Variants in DACH1 observed in about 807,000 individuals in gnomAD.
DACH1 encodes the protein dachshund homolog 1.
Under a neutral mutation model 54.2 loss-of-function variants are expected in DACH1, and 12 were observed. The ratio of observed to expected loss-of-function variants is 0.22; its 90% CI spans 0.14 to 0.36. The LOEUF (loss-of-function observed/expected upper bound fraction) is 0.36, where lower values mean the gene tolerates loss of function less well. Ranked by LOEUF, DACH1 falls within the 10% of genes least tolerant of loss-of-function variation. The pLI is 1.00. For missense variants in DACH1, 805 were observed against 929.8 expected (o/e 0.87, Z 1.75); for synonymous variants, 386 against 366.2 (o/e 1.05, Z -0.62).
At chr13:71,471,240 A>T (rs990332173) in intron 10 of DACH1, among the ~76,000 whole-genome samples, 1 of 152,048 alleles carries the variant, frequency 6.6e-6, no homozygotes, top group Non-Finnish European at 1.5e-5. Flanking sequence ...CCCTCATTAC[A>T]TATTAACGAC....
At chr13:71,580,508 A>C (rs1225372430) in intron 3 of DACH1, among the ~76,000 whole-genome samples, 1 of 152,186 alleles carries the variant, frequency 6.6e-6, no homozygotes, top group Admixed American at 6.5e-5. Context: ...GCAAGGTGAA[A>C]TAAGTTTTAA....
intron 1 of DACH1, among the ~76,000 whole-genome samples, chr13:71,747,087 T>C (rs999951383): frequency 1.3e-5 from 2 of 152,124 alleles, no homozygotes; most frequent in African/African-American, 4.8e-5. Flanking sequence ...AATATTGTGT[T>C]TGTATATACA....
In DACH1 at chr13:71,599,794, T is replaced by C. The variant is rs569505749; in HGVS notation, c.1127-26782A>G. Among the ~76,000 whole-genome samples the C allele has an allele frequency of 1.0e-4, 15 of 150,658 alleles. No individual in the cohort carries two copies. In the East Asian group the frequency reaches 2.5e-3, roughly 26 times the overall value. On this transcript the variant is annotated intron_variant, in intron 3 of 10. Transcript: ENST00000613252. ...CATGTATATAAAAAGACTTTCCTTT[T>C]TGTATTACCTCTTCATACACACAAA... is the stretch of plus-strand genomic sequence containing the variant.
intron 1 of DACH1, among the ~76,000 whole-genome samples, chr13:71,809,787 A>C (rs984922271): frequency 6.6e-6 from 1 of 152,202 alleles, no homozygotes; most frequent in Non-Finnish European, 1.5e-5. Flanking sequence ...GATGCAATGG[A>C]TGGAGTAATA....
chr13:71,691,525 C>G (rs1422417306), intron 1 of DACH1, among the ~76,000 whole-genome samples: 2 of 151,414 alleles, frequency 1.3e-5, no homozygotes, highest in East Asian at 3.9e-4. Context: ...GGTTGTGAAC[C>G]ATGGCAATCT....
chr13:71,443,808 A>G (rs1874214586), intron 10 of DACH1, among the ~76,000 whole-genome samples: 2 of 152,190 alleles, frequency 1.3e-5, no homozygotes, highest in Admixed American at 1.3e-4. Context: ...TATTAAATAA[A>G]GATTGGAACC....
intron 1 of DACH1, among the ~76,000 whole-genome samples, chr13:71,828,863 G>A (rs542289944): frequency 3.3e-5 from 5 of 151,662 alleles, no homozygotes; most frequent in East Asian, 1.9e-4. Flanking sequence ...ACATCACTAC[G>A]GCTGTTGCCT....
At chr13:71,534,741 T>A (rs1882646822) in intron 6 of DACH1, among the ~76,000 whole-genome samples, 1 of 151,866 alleles carries the variant, frequency 6.6e-6, no homozygotes, top group South Asian at 2.1e-4. Flanking sequence ...CAATAATAAC[T>A]AAATTCCATT....
At chr13:71,572,640 T>C (rs866128912) in intron 4 of DACH1, among the ~76,000 whole-genome samples, 200 bp downstream of exon 4, 2 of 152,216 alleles carry the variant, frequency 1.3e-5, no homozygotes, top group East Asian at 3.9e-4. Flanking sequence ...TTAATAGATA[T>C]ATAGAGAATT....
At chr13:71,442,809 AATT>A (rs1177749652) in intron 10 of DACH1, among the ~76,000 whole-genome samples, 4 of 152,008 alleles carry the variant, frequency 2.6e-5, no homozygotes. Flanking sequence ...ATAATAGAAC[AATT>A]ATAACAATAT....
intron 1 of DACH1, among the ~76,000 whole-genome samples, chr13:71,834,591 C>T (rs1044619186): frequency 1.3e-5 from 2 of 152,020 alleles, no homozygotes; most frequent in African/African-American, 2.4e-5. Flanking sequence ...GAATTCCACA[C>T]GCTTTTTAAC....
intron 6 of DACH1, among the ~76,000 whole-genome samples, chr13:71,505,244 G>A (rs1880219529): frequency 1.3e-5 from 2 of 151,930 alleles, no homozygotes; most frequent in Admixed American, 1.3e-4. Context: ...CACCACGCCC[G>A]GCTACTTTTT....
intron 1 of DACH1, among the ~76,000 whole-genome samples, chr13:71,699,935 G>T (rs952694453): frequency 5.9e-5 from 9 of 152,080 alleles, no homozygotes; most frequent in African/African-American, 2.2e-4. Flanking sequence ...CAATGCTCCT[G>T]TTCTTATTTA....
At position 71,656,921 on chromosome 13, in the gene DACH1, C is replaced by CATATATATATATATATATAT. The variant is rs71123235; in HGVS notation, c.964+24854_964+24873dup. Reference sequence around the variant, plus strand: ...GAGTACAGATTGACTGTTCTTCTTTCATATATATATATATATATATATATA... The same window carrying CATATATATATATATATATAT: ...GAGTACAGATTGACTGTTCTTCTTTCATATATATATATATATATATATATATATATATATATATATATATA... On this transcript the variant is annotated intron_variant, in intron 2 of 10. Coordinates refer to ENST00000613252, the MANE Select transcript of DACH1 (RefSeq NM_080759.6). 1.6e-4 allele frequency among the ~76,000 whole-genome samples: 13 copies of CATATATATATATATATATAT among 83,418 alleles called. 2 individuals carry two copies. The highest frequency in any genetic ancestry group is 2.3e-4 in the Admixed American group (2 of 8,718). 54.7% of individuals were successfully genotyped at this position (83,418 alleles called of 152,430 possible).
intron 6 of DACH1, among the ~76,000 whole-genome samples, chr13:71,544,986 C>G (rs1427199645): frequency 6.6e-6 from 1 of 152,072 alleles, no homozygotes; most frequent in Non-Finnish European, 1.5e-5. Flanking sequence ...TCCTCTGTAC[C>G]TACACCTTGA....
chr13:71,482,087 T>C (rs542157737), intron 7 of DACH1, among the ~76,000 whole-genome samples: 2 of 152,330 alleles, frequency 1.3e-5, no homozygotes, highest in South Asian at 2.1e-4. Flanking sequence ...TTTAAGTTTA[T>C]GCCACAGCAA....
chr13:71,492,669 T>C (rs1387127149), intron 6 of DACH1, among the ~76,000 whole-genome samples: 1 of 151,918 alleles, frequency 6.6e-6, no homozygotes, highest in Non-Finnish European at 1.5e-5. Context: ...TCACCAATTG[T>C]TTACATTTTG....
chr13:71,513,165 T>C (rs1880908750), intron 6 of DACH1, among the ~76,000 whole-genome samples: 1 of 151,954 alleles, frequency 6.6e-6, no homozygotes, highest in South Asian at 2.1e-4. Context: ...ATTCCATTAA[T>C]GTGCTGAAAT....
rs376693373 is a variant in DACH1 at position 71,858,436 on chromosome 13, C to T, written c.848+7486G>A. ...AACATCAACCAATGTACTATGTGGC[C>T]TATTGCAGTATTTGCTTCATGAAAA... On this transcript the variant is annotated intron_variant, in intron 1 of 10. Transcript: ENST00000613252. 5.9e-5 allele frequency among the ~76,000 whole-genome samples: 9 copies of T among 151,720 alleles called. No homozygotes were observed. In the East Asian group the frequency reaches 1.7e-3, roughly 29 times the overall value.
Sources: allele counts gnomAD v4.1 joint callset (sites outside exome capture counted in the v4.1 genomes callset), GRCh38; gene constraint gnomAD v4.1.1; transcripts MANE v1.5; gene names NCBI Gene and HGNC (gene_info 2026-07-23, HGNC 2026-07-21).